Variants in MARCHF8 observed in about 807,000 individuals in gnomAD.
MARCHF8 encodes E3 ubiquitin-protein ligase MARCHF8.
A neutral mutation model predicts 51.6 loss-of-function variants in MARCHF8; 40 were observed. That is an observed-to-expected ratio of 0.77 (90% confidence interval 0.60 to 1.01). The LOEUF (loss-of-function observed/expected upper bound fraction) is 1.01, where lower values mean the gene tolerates loss of function less well. Among genes scored for constraint, MARCHF8 ranks in the 50% least tolerant of loss-of-function variants. The pLI is 0.00. For synonymous variants in MARCHF8, 263 were observed against 280.3 expected, an observed-to-expected ratio of 0.94 and a Z score of 0.62; for missense variants, 685 against 708.6, an observed-to-expected ratio of 0.97 and a Z score of 0.38.
At chr10:45,464,054 T>C (rs1842886534) in intron 4 of MARCHF8, 58 bp from the exon 5 acceptor site, 4 of 1,498,980 alleles carry the variant, frequency 2.7e-6, no homozygotes, top group East Asian at 2.5e-5. Flanking sequence ...TAAAAGAGAA[T>C]AGACATCATA....
In MARCHF8 at chr10:45,584,934, T is replaced by C. The variant is rs562116204; in HGVS notation, c.-79+9301A>G. Among the ~76,000 whole-genome samples, 3 of 152,168 alleles carry C rather than the reference T, an allele frequency of 2.0e-5. No individual in the cohort carries two copies. The South Asian group carries it at 6.2e-4, about 32-fold the overall frequency. Reference sequence around the variant, plus strand: ...TCCAGCAAGGACACATGGACCTCAGTCCTACAACCATATGAACTGAATTCT... The same window carrying C: ...TCCAGCAAGGACACATGGACCTCAGCCCTACAACCATATGAACTGAATTCT... On this transcript the variant is annotated intron_variant, in intron 1 of 6. Transcript: ENST00000319836.
chr10:45,583,481 A>C (rs1413912496), intron 1 of MARCHF8, among the ~76,000 whole-genome samples: 1 of 152,222 alleles, frequency 6.6e-6, no homozygotes, highest in Non-Finnish European at 1.5e-5. Context: ...TAACAGGGGA[A>C]GGGCTGAATA....
exon 1 of MARCHF8, chr10:45,594,733 G>C (rs1437118663): frequency 3.9e-5 from 6 of 152,218 alleles, no homozygotes; most frequent in Non-Finnish European, 5.9e-5. Flanking sequence ...TGCGCGCGGC[G>C]TGGGGGACTC....
intron 1 of MARCHF8, among the ~76,000 whole-genome samples, chr10:45,543,526 C>T (rs771020647): frequency 6.6e-6 from 1 of 152,152 alleles, no homozygotes; most frequent in Non-Finnish European, 1.5e-5. Flanking sequence ...TGGCCGGGCA[C>T]GGTGGCTCAT....
chr10:45,515,948 C>A (rs921528753), intron 2 of MARCHF8, among the ~76,000 whole-genome samples: 1 of 152,208 alleles, frequency 6.6e-6, no homozygotes, highest in Non-Finnish European at 1.5e-5. Flanking sequence ...ATTCTGTAAT[C>A]CCCTCAATGT....
chr10:45,486,660 A>T (rs1012555613), intron 3 of MARCHF8, among the ~76,000 whole-genome samples: 1 of 152,206 alleles, frequency 6.6e-6, no homozygotes, highest in African/African-American at 2.4e-5. Flanking sequence ...TCCTGGCCCA[A>T]TCAACCTAAG....
chr10:45,459,068 C>T, intron 7 of MARCHF8, 52 bp downstream of exon 7: 1 of 1,609,656 alleles, frequency 6.2e-7, no homozygotes, highest in Non-Finnish European at 8.5e-7. Context: ...CCCAGGACTC[C>T]TGTGAGCTAT....
At chr10:45,555,654 G>A (rs2044243914) in intron 1 of MARCHF8, among the ~76,000 whole-genome samples, 1 of 151,384 alleles carries the variant, frequency 6.6e-6, no homozygotes, top group Non-Finnish European at 1.5e-5. Context: ...TGAGGCAGGA[G>A]GATCGCTTGA....
At chr10:45,511,398 TCTCCCC>T (rs1172518907) in intron 2 of MARCHF8, among the ~76,000 whole-genome samples, 2 of 150,016 alleles carry the variant, frequency 1.3e-5, no homozygotes, top group South Asian at 2.1e-4. Context: ...TCCCTCTCCC[TCTCCCC>T]ACGGCCCACG....
chr10:45,517,130 G>A (rs572935096), intron 2 of MARCHF8, among the ~76,000 whole-genome samples: 55 of 152,314 alleles, frequency 3.6e-4, no homozygotes, highest in African/African-American at 1.3e-3. Context: ...AATTTCCCTG[G>A]AGTATCAGCT....
chr10:45,594,685 G>C (rs1193969502), exon 1 of MARCHF8: 1 of 151,376 alleles, frequency 6.6e-6, no homozygotes, highest in East Asian at 2.0e-4. Context: ...CCCGGGCCGG[G>C]GGCTCGGCCG....
intron 2 of MARCHF8, among the ~76,000 whole-genome samples, chr10:45,511,665 C>T (rs1483241470): frequency 2.0e-5 from 3 of 152,250 alleles, no homozygotes; most frequent in African/African-American, 7.2e-5. Context: ...CAGCCTCGGC[C>T]TCCCGAGGTG....
intron 2 of MARCHF8, among the ~76,000 whole-genome samples, chr10:45,524,048 G>A (rs1242397178): frequency 1.3e-5 from 2 of 152,036 alleles, no homozygotes; most frequent in Non-Finnish European, 1.5e-5. Flanking sequence ...AAAATTGCAG[G>A]ACCTCAAAGT....
At chr10:45,495,939 T>C (rs997384848) in intron 2 of MARCHF8, among the ~76,000 whole-genome samples, 2 of 152,074 alleles carry the variant, frequency 1.3e-5, no homozygotes, top group African/African-American at 2.4e-5. Flanking sequence ...TGACTCATCA[T>C]ATTCTCCATG....
At chr10:45,557,438 C>T (rs1330188110) in intron 1 of MARCHF8, among the ~76,000 whole-genome samples, 1 of 151,954 alleles carries the variant, frequency 6.6e-6, no homozygotes, top group Non-Finnish European at 1.5e-5. Flanking sequence ...CCAAAAGGTG[C>T]TTATTCTTAA....
chr10:45,539,586 G>C (rs922319579), upstream of MARCHF8, among the ~76,000 whole-genome samples: 2 of 152,108 alleles, frequency 1.3e-5, no homozygotes, highest in Non-Finnish European at 2.9e-5. Context: ...GACTAATAAA[G>C]AAGAAAAGAC....
At chr10:45,573,141 T>G (rs1341274859) in intron 1 of MARCHF8, among the ~76,000 whole-genome samples, 1 of 152,198 alleles carries the variant, frequency 6.6e-6, no homozygotes, top group East Asian at 1.9e-4. Context: ...ATGGCCCATT[T>G]AGCAGCAACC....
chr10:45,556,240 C>T (rs761471384), intron 1 of MARCHF8, among the ~76,000 whole-genome samples: 8 of 152,154 alleles, frequency 5.3e-5, no homozygotes, highest in Middle Eastern at 3.4e-3. Flanking sequence ...ATGTGTAGAC[C>T]TTGTTTACAT....
At chr10:45,572,285 C>T (rs2044439167) in intron 1 of MARCHF8, among the ~76,000 whole-genome samples, 1 of 151,842 alleles carries the variant, frequency 6.6e-6, no homozygotes, top group Non-Finnish European at 1.5e-5. Flanking sequence ...GGCAAGCACC[C>T]CCACCCCTTT....
Sources: allele counts gnomAD v4.1 joint callset (sites outside exome capture counted in the v4.1 genomes callset), GRCh38; gene constraint gnomAD v4.1.1; transcripts MANE v1.5; gene names NCBI Gene and HGNC (gene_info 2026-07-23, HGNC 2026-07-21).